Variants in ADAP1 observed in about 807,000 individuals in gnomAD.
The protein encoded by ADAP1 is arf-GAP with dual PH domain-containing protein 1.
A neutral mutation model predicts 54.9 loss-of-function variants in ADAP1; 31 were observed. That is an observed-to-expected ratio of 0.56 (90% confidence interval 0.42 to 0.76). ADAP1 has a LOEUF of 0.76. Ranked by LOEUF, ADAP1 falls within the 30% of genes least tolerant of loss-of-function variation. ADAP1 has a pLI of 0.00. For missense variants in ADAP1, 535 were observed against 512.4 expected (o/e 1.04, Z -0.42); for synonymous variants, 313 against 202.6 (o/e 1.55, Z -4.63).
chr7:943,258 GA>G (rs1378074929), intron 1 of ADAP1, among the ~76,000 whole-genome samples: 2 of 29,452 alleles, frequency 6.8e-5, no homozygotes, highest in Admixed American at 2.5e-4. Context: ...GAGGAAGGGA[GA>G]GGAGGAGGAA....
chr7:924,094 G>A (rs1263540746), intron 3 of ADAP1, among the ~76,000 whole-genome samples: 8 of 36,654 alleles, frequency 2.2e-4, no homozygotes, highest in African/African-American at 5.7e-4. Flanking sequence ...TGCACCCCCC[G>A]CCCTCCGGGT....
At position 920,833 on chromosome 7, in the gene ADAP1, G is replaced by A. The variant is rs756483251; in HGVS notation, c.306-783C>T. 29 of 1,549,978 alleles carry A rather than the reference G, an allele frequency of 1.9e-5. No homozygotes were observed. The Admixed American group carries it at 2.6e-4, about 14-fold the overall frequency. On this transcript the variant is annotated intron_variant, in intron 3 of 10. Transcript: ENST00000265846. The surrounding 1 kb of genome is among the most constrained non-coding windows in gnomAD (Gnocchi z 4.5). ...GAAACCACGACCCACACACAGGCCC[G>A]GCACGGCCCAGGTGCACAGGCAGCC...
chr7:935,396 G>T lies in ADAP1; in HGVS notation c.192C>A (p.Ala64=). The T allele has an allele frequency of 6.4e-7, 1 of 1,559,966 alleles. No homozygotes were observed. The highest frequency in any genetic ancestry group is 2.4e-5 in the East Asian group (1 of 41,554). The part of the protein sequence containing the change: ...VSKVKSVRLD[A]WEEAQVEFMA... ...GTACCTCCACTTGGGCCTCCTCCCA[G>T]GCGTCCAGGCGGACGGACTTCACCT... Residue 64 remains alanine, a synonymous_variant, in exon 2 of 11, where the codon GCC becomes GCA. Transcript: ENST00000265846.
intron 4 of ADAP1, among the ~76,000 whole-genome samples, chr7:913,949 C>A (rs1259511537): frequency 6.6e-6 from 1 of 152,132 alleles, no homozygotes; most frequent in South Asian, 2.1e-4. Flanking sequence ...CAAAAAACTC[C>A]TTCAGAAAAG....
chr7:908,357 C>G (rs541175004), intron 4 of ADAP1, among the ~76,000 whole-genome samples: 1 of 152,148 alleles, frequency 6.6e-6, no homozygotes, highest in Non-Finnish European at 1.5e-5. Context: ...AAACGCCTGG[C>G]GTTGGGGAGG....
intron 5 of ADAP1, 102 bp downstream of exon 5, chr7:904,958 G>A (rs932611015): frequency 7.0e-6 from 7 of 998,002 alleles, no homozygotes; most frequent in Admixed American, 1.9e-5. Flanking sequence ...GGGGCAGCAG[G>A]GAGGGCAGCT....
In ADAP1 at chr7:954,571, G is replaced by A; in HGVS notation, c.-94C>T. 4 of 986,422 alleles carry A rather than the reference G, an allele frequency of 4.1e-6. No individual in the cohort carries two copies. The highest frequency in any genetic ancestry group is 4.8e-6 in the Non-Finnish European group (4 of 832,302). The allele number at this position is 986,422 out of a possible 1,614,324, so 61.1% of individuals were successfully genotyped here. A position where few individuals can be genotyped will look rare whatever the true frequency, so the allele number is the denominator to read the frequency against. ...CCCGCGCAGGCCGCCCGCCGCCGCC[G>A]CCCCTGCGCCATCCCGGGCGGCCTC... On this transcript the variant is annotated 5_prime_UTR_variant, in exon 1 of 11. Coordinates refer to ENST00000265846, the MANE Select transcript of ADAP1 (RefSeq NM_006869.4).
At chr7:940,110 C>T (rs1054628300) in intron 1 of ADAP1, among the ~76,000 whole-genome samples, 8 of 152,068 alleles carry the variant, frequency 5.3e-5, no homozygotes, top group East Asian at 1.9e-4. Context: ...CATATACATA[C>T]GTGCGTGCAT....
intron 3 of ADAP1, among the ~76,000 whole-genome samples, chr7:925,568 C>G (rs1161123988): frequency 1.3e-5 from 2 of 152,112 alleles, no homozygotes; most frequent in Non-Finnish European, 2.9e-5. Flanking sequence ...GCAGGGGGCA[C>G]AGACCCCAAA....
At chr7:910,025 C>A (rs1347605179) in intron 4 of ADAP1, among the ~76,000 whole-genome samples, 1 of 152,170 alleles carries the variant, frequency 6.6e-6, no homozygotes, top group East Asian at 1.9e-4. Flanking sequence ...GAAAGACGTT[C>A]AGCATCGCCA....
Position 905,111 on chromosome 7 carries a change from C to T in ADAP1, c.450G>A (p.Lys150=), listed in dbSNP as rs749871837. ...GRDNGQFLSR[K]FVLTEREGAL... is the part of the protein sequence containing the mutation. ...CACCCTCTCGTTCTGTCAGCACAAA[C>T]TTCCGGCTCAAAAACTGCCCGTTGT... Residue 150 remains lysine (K), a synonymous_variant, in exon 5 of 11, where the codon AAG becomes AAA. Transcript: ENST00000265846. 2 of 1,612,422 alleles carry T rather than the reference C, an allele frequency of 1.2e-6. No individual in the cohort carries two copies. Among genetic ancestry groups the T allele is most frequent in the African/African-American group, 2.7e-5 (2 of 74,946 alleles).
At chr7:905,617 G>A (rs1343095356) in intron 4 of ADAP1, 1 of 132,564 alleles carries the variant, frequency 7.5e-6, no homozygotes, top group African/African-American at 3.6e-5. Flanking sequence ...GGAGAAAGGA[G>A]AAAGGGAAAG....
At chr7:907,934 C>T (rs1845543705) in intron 4 of ADAP1, among the ~76,000 whole-genome samples, 1 of 151,922 alleles carries the variant, frequency 6.6e-6, no homozygotes, top group Non-Finnish European at 1.5e-5. Context: ...CATCCGTGGC[C>T]CCTCCAGGGG....
rs1314453188 is a variant in ADAP1 at position 904,134 on chromosome 7, C to T, written c.640G>A (p.Asp214Asn). 3.1e-6 allele frequency: 5 copies of T among 1,612,496 alleles called. No homozygotes were observed. Among genetic ancestry groups the T allele is most frequent in the East Asian group, 4.5e-5 (2 of 44,852 alleles). Reference protein sequence around the residue: ...STRNIFIYHEDGKEIVDWFNA... With the variant: ...STRNIFIYHENGKEIVDWFNA... ...TGCTCGCCAGCACCCACCTTCCCGT[C>T]CTCATGGTAGATGAAGATGTTACGG... is the stretch of plus-strand genomic sequence containing the variant. Residue 214 changes from aspartate (D) to asparagine (N), a missense_variant, in exon 6 of 11, where the codon GAC becomes AAC. Asp to Asn is a conservative substitution (Grantham distance 23). Transcript: ENST00000265846.
rs147601451 is a variant in ADAP1, at chr7:953,243, G to A, written c.82+1153C>T. ...TGGCCGTCCTGTCTCAGGAGACCAT[G>A]GAAAGGCCGTGGGTCCTGCCTGTCT... On this transcript the variant is annotated intron_variant, in intron 1 of 10. Coordinates refer to ENST00000265846, the MANE Select transcript of ADAP1 (RefSeq NM_006869.4). Among the ~76,000 whole-genome samples the A allele has an allele frequency of 1.9e-3, 289 of 152,320 alleles. 1 individual carries two copies. The highest frequency in any genetic ancestry group is 6.4e-3 in the African/African-American group (267 of 41,562).
rs1026553519 is a variant in ADAP1 at position 938,137 on chromosome 7, G to A, written c.83-2632C>T. Among the ~76,000 whole-genome samples, 6 of 152,174 alleles carry A rather than the reference G, an allele frequency of 3.9e-5. No individual in the cohort carries two copies. The highest frequency in any genetic ancestry group is 1.4e-4 in the African/African-American group (6 of 41,436). On this transcript the variant is annotated intron_variant, in intron 1 of 10. Coordinates refer to ENST00000265846, the MANE Select transcript of ADAP1 (RefSeq NM_006869.4). The surrounding 1 kb of genome is among the most constrained non-coding windows in gnomAD (Gnocchi z 4.4). ...GAGAAAGAATGCGGTTACAGGATCA[G>A]CCGTTGTTTGGTTTTGCGGGGTTTT...
intron 4 of ADAP1, among the ~76,000 whole-genome samples, chr7:916,148 C>G (rs924847102): frequency 2.6e-5 from 4 of 152,214 alleles, no homozygotes; most frequent in African/African-American, 9.6e-5. Flanking sequence ...CTTTTTCCAG[C>G]ACTTCTGTGA....
At chr7:900,749 C>T (rs1368280666) in intron 6 of ADAP1, 133 bp from the exon 7 acceptor site, 5 of 768,280 alleles carry the variant, frequency 6.5e-6, no homozygotes, top group South Asian at 3.4e-5. Flanking sequence ...GGCACCTCAG[C>T]TCCCAGCAGT....
intron 4 of ADAP1, among the ~76,000 whole-genome samples, chr7:916,128 G>A (rs896439348): frequency 3.3e-5 from 5 of 152,174 alleles, no homozygotes; most frequent in South Asian, 2.1e-4. Flanking sequence ...CAGAGGTGAC[G>A]AGACAGGGAC....
Sources: allele counts gnomAD v4.1 joint callset (sites outside exome capture counted in the v4.1 genomes callset), GRCh38; gene constraint gnomAD v4.1.1; non-coding constraint Gnocchi (gnomAD v3.1); transcripts MANE v1.5; gene names NCBI Gene and HGNC (gene_info 2026-07-23, HGNC 2026-07-21).